STAU2: variants seen among roughly 807,000 people sequenced by gnomAD.
STAU2 encodes staufen double-stranded RNA binding protein 2, also known as double-stranded RNA-binding protein Staufen homolog 2.
A neutral mutation model predicts 65.9 loss-of-function variants in STAU2; 20 were observed. That is an observed-to-expected ratio of 0.30 (90% CI 0.21 to 0.44). STAU2 has a LOEUF of 0.44. Among genes scored for constraint, STAU2 ranks in the 20% least tolerant of loss-of-function variants. The pLI, the probability that STAU2 is intolerant of heterozygous loss-of-function variation, is 1.00. For synonymous variants in STAU2, 232 were observed against 233.9 expected (o/e 0.99, Z 0.07); for missense variants, 558 against 683.9 (o/e 0.82, Z 2.05).
rs1817828441 is a variant in STAU2, at chr8:73,437,862, C to CAGGATCAG, written c.1531-15168_1531-15161dup. On this transcript the variant is annotated intron_variant, in intron 13 of 14. Coordinates refer to ENST00000524300, the MANE Select transcript of STAU2 (RefSeq NM_001164380.2). ...TCCTGCTGCAGTGGCCTCTTCGCAG[C>CAGGATCAG]AGGATCAGGCCACCTCCCACCTACA... Among the ~76,000 whole-genome samples the CAGGATCAG allele has an allele frequency of 1.5e-4, 23 of 151,980 alleles. No individual in the cohort carries two copies. In the South Asian group the frequency reaches 4.8e-3, roughly 32 times the overall value.
At chr8:73,581,807 G>A (rs1187788149) in intron 12 of STAU2, among the ~76,000 whole-genome samples, 4 of 151,954 alleles carry the variant, frequency 2.6e-5, no homozygotes, top group Non-Finnish European at 5.9e-5. Context: ...GATAATCCAA[G>A]AATTCAATTC....
intron 6 of STAU2, among the ~76,000 whole-genome samples, chr8:73,664,115 G>A (rs938991678): frequency 2.6e-5 from 4 of 151,982 alleles, no homozygotes; most frequent in African/African-American, 9.7e-5. Flanking sequence ...ATGCAGTGGC[G>A]ATCACAGCTC....
intron 13 of STAU2, among the ~76,000 whole-genome samples, chr8:73,476,996 G>A (rs1317440849): frequency 1.3e-5 from 2 of 152,236 alleles, no homozygotes; most frequent in African/African-American, 4.8e-5. Context: ...GTATTACTGA[G>A]CACCTACTCT....
intron 13 of STAU2, among the ~76,000 whole-genome samples, chr8:73,525,254 T>C (rs1050388655): frequency 5.3e-5 from 8 of 152,194 alleles, no homozygotes; most frequent in Non-Finnish European, 1.0e-4. Context: ...AATATAAAAA[T>C]GTCTTAATTT....
chr8:73,514,429 C>A (rs1822593417), intron 13 of STAU2, among the ~76,000 whole-genome samples: 1 of 152,180 alleles, frequency 6.6e-6, no homozygotes, highest in African/African-American at 2.4e-5. Context: ...GCTCAGCCTA[C>A]CTTTCAAGAA....
intron 13 of STAU2, among the ~76,000 whole-genome samples, chr8:73,548,407 C>T (rs1807087279): frequency 6.6e-6 from 1 of 152,016 alleles, no homozygotes; most frequent in Non-Finnish European, 1.5e-5. Flanking sequence ...TTCCACCAGC[C>T]CCATCCCAAT....
chr8:73,541,560 A>G (rs977877842), intron 13 of STAU2, among the ~76,000 whole-genome samples: 7 of 152,200 alleles, frequency 4.6e-5, no homozygotes, highest in African/African-American at 1.7e-4. Context: ...ACATGCAAAA[A>G]TCAGGAAAAA....
intron 13 of STAU2, among the ~76,000 whole-genome samples, chr8:73,538,538 A>G (rs890076377): frequency 6.6e-6 from 1 of 152,106 alleles, no homozygotes; most frequent in Non-Finnish European, 1.5e-5. Context: ...CAGTGGGGCA[A>G]TGTGGTACTG....
chr8:73,725,237 T>C (rs1805540434), intron 3 of STAU2, among the ~76,000 whole-genome samples: 1 of 152,358 alleles, frequency 6.6e-6, no homozygotes, highest in Admixed American at 6.5e-5. Context: ...TCTTCAACTT[T>C]ATCTTCTTTT....
chr8:73,519,097 C>T (rs970406899), intron 13 of STAU2, among the ~76,000 whole-genome samples: 10 of 152,106 alleles, frequency 6.6e-5, no homozygotes, highest in African/African-American at 1.4e-4. Context: ...AAGTTGCCAG[C>T]GGCAGTGATT....
intron 13 of STAU2, among the ~76,000 whole-genome samples, chr8:73,466,032 G>C (rs1022102050): frequency 1.3e-5 from 2 of 152,132 alleles, no homozygotes; most frequent in African/African-American, 4.8e-5. Flanking sequence ...GCTCACCCCT[G>C]TTTTCAAAGG....
chr8:73,454,557 T>C (rs766048786), intron 13 of STAU2, among the ~76,000 whole-genome samples: 5 of 152,176 alleles, frequency 3.3e-5, no homozygotes, highest in Non-Finnish European at 4.4e-5. Context: ...TAGTGAAGAT[T>C]AGGACTCAAT....
intron 12 of STAU2, among the ~76,000 whole-genome samples, chr8:73,565,087 G>A (rs1436296184): frequency 6.6e-6 from 1 of 152,194 alleles, no homozygotes; most frequent in East Asian, 1.9e-4. Flanking sequence ...ACAAATGAAT[G>A]TAAAATTAAA....
chr8:73,678,024 T>C (rs546528265), intron 5 of STAU2, among the ~76,000 whole-genome samples: 11 of 152,302 alleles, frequency 7.2e-5, no homozygotes, highest in African/African-American at 2.4e-4. Context: ...TTATATGCCT[T>C]AGACAGCTTG....
At chr8:73,712,424 A>G (rs1200286897) in intron 3 of STAU2, among the ~76,000 whole-genome samples, 5 of 152,206 alleles carry the variant, frequency 3.3e-5, no homozygotes, top group Non-Finnish European at 2.9e-5. Context: ...TAAAATAGAG[A>G]TAATAGTTGT....
chr8:73,685,288 C>T (rs2130493482), intron 5 of STAU2, among the ~76,000 whole-genome samples: 1 of 152,092 alleles, frequency 6.6e-6, no homozygotes. Flanking sequence ...CAGACTAACA[C>T]ACCACCTTAC....
At chr8:73,699,847 A>G (rs922533303) in intron 4 of STAU2, among the ~76,000 whole-genome samples, 3 of 143,440 alleles carry the variant, frequency 2.1e-5, no homozygotes, top group African/African-American at 8.0e-5. Context: ...GATACCAAAA[A>G]CCAAACACAC....
intron 3 of STAU2, among the ~76,000 whole-genome samples, chr8:73,719,004 C>T (rs147863615): frequency 2.3e-3 from 351 of 152,322 alleles, no homozygotes; most frequent in Non-Finnish European, 3.9e-3. Context: ...CCAATCTGAA[C>T]ACCATGCATT....
intron 5 of STAU2, among the ~76,000 whole-genome samples, chr8:73,677,535 T>C (rs891309514): frequency 1.3e-5 from 2 of 152,158 alleles, no homozygotes; most frequent in Non-Finnish European, 2.9e-5. Context: ...AAATGCAACA[T>C]AGATGACTCT....
Sources: gnomAD v4.1 joint callset for allele counts (sites outside exome capture counted in the v4.1 genomes callset) on GRCh38, gnomAD v4.1.1 for gene constraint, MANE v1.5 for transcripts, NCBI Gene and HGNC (gene_info 2026-07-23, HGNC 2026-07-21) for gene names.